Variants in DIS3L observed in about 807,000 individuals in gnomAD.
The protein encoded by DIS3L is DIS3 like exosome 3'-5' exoribonuclease, also known as DIS3-like exonuclease 1.
Under a neutral mutation model 120.3 loss-of-function variants are expected in DIS3L, and 100 were observed. That is an observed-to-expected ratio of 0.83 (90% CI 0.71 to 0.98). The LOEUF (loss-of-function observed/expected upper bound fraction) is 0.98. Among genes scored for constraint, DIS3L ranks in the 50% least tolerant of loss-of-function variants. The pLI, the probability that DIS3L is intolerant of heterozygous loss-of-function variation, is 0.00. For missense variants in DIS3L, 1,196 were observed against 1,314.2 expected, an observed-to-expected ratio of 0.91 and a Z score of 1.39; for synonymous variants, 426 against 470.6, an observed-to-expected ratio of 0.91 and a Z score of 1.23.
rs2092907136 is a variant in DIS3L, at chr15:66,323,495, C to T, written c.1577C>T (p.Ala526Val). 1 of 1,614,076 alleles carries T rather than the reference C, an allele frequency of 6.2e-7. No individual in the cohort carries two copies. Among genetic ancestry groups the T allele is most frequent in the African/African-American group, 1.3e-5 (1 of 74,946 alleles). Residue 526 changes from alanine (A) to valine (V), a missense_variant and splice_region_variant, in exon 11 of 17, where the codon GCC becomes GTC. Coordinates refer to ENST00000319212, the MANE Select transcript of DIS3L (RefSeq NM_001143688.3). ...TGCCGCGTGTGTGTCATTCACAGGG[C>T]CACCACTTATTATCTAGCAGATCGT... Reference protein sequence around the residue: ...SYIDIEARTRATTYYLADRRY... With the variant: ...SYIDIEARTRVTTYYLADRRY...
At position 66,329,121 on chromosome 15, in the gene DIS3L, T is replaced by G; in HGVS notation, c.2353T>G (p.Tyr785Asp). 1 of 1,610,912 alleles carries G rather than the reference T, an allele frequency of 6.2e-7. No individual in the cohort carries two copies. The highest frequency in any genetic ancestry group is 8.5e-7 in the Non-Finnish European group (1 of 1,179,014). ...GSCAEEEFHH[Y>D]GLALDKYTHF... ...CTGTGCGGAGGAGGAGTTCCATCAT[T>G]ACGGTGAATCATACCATATTCCTAT... The change falls in exon 13 of 17, where the codon TAC becomes GAC. Residue 785 changes from tyrosine (Y) to aspartate (D), a missense_variant. By Grantham distance (160) the Tyr-to-Asp change is radical. Transcript: ENST00000319212.
chr15:66,306,771 G>A, intron 2 of DIS3L, 53 bp from the exon 3 acceptor site: 1 of 1,607,038 alleles, frequency 6.2e-7, no homozygotes, highest in South Asian at 1.1e-5. Flanking sequence ...GCAAGAGATA[G>A]CAGTGGATGA....
Position 66,322,863 on chromosome 15 carries a change from TG to T in DIS3L, c.1507del (p.Val503SerfsTer6), listed in dbSNP as rs747149536. On this transcript the variant is annotated frameshift_variant, in exon 10 of 17. Coordinates refer to ENST00000319212, the MANE Select transcript of DIS3L (RefSeq NM_001143688.3). LOFTEE classifies it high-confidence loss of function. ...CCTTAAATAATGGCAACCTGGAACT[TG>T]GGGTCCACATCGCAGATGTAACACA... The part of the protein sequence containing the change: ...RTLNNGNLEL[G>X]VHIADVTHFV... 5.6e-6 allele frequency: 9 copies of T among 1,614,098 alleles called. No homozygotes were observed. Among genetic ancestry groups the T allele is most frequent in the African/African-American group, 1.3e-5 (1 of 74,932 alleles).
rs2092843604 is a variant in DIS3L at position 66,318,434 on chromosome 15, T to C, written c.995-15T>C. 6.2e-7 allele frequency: 1 copy of C among 1,611,850 alleles called. No individual in the cohort carries two copies. Among genetic ancestry groups the C allele is most frequent in the African/African-American group, 1.3e-5 (1 of 74,826 alleles). On this transcript the variant is annotated splice_polypyrimidine_tract_variant and intron_variant, in intron 7 of 16. Transcript: ENST00000319212. Reference sequence around the variant, plus strand: ...CTAACCAGTTAATGCCTTGTTTTGTTTTGTTTTGCCAAAGGTCGAGTGGTG... The same window carrying C: ...CTAACCAGTTAATGCCTTGTTTTGTCTTGTTTTGCCAAAGGTCGAGTGGTG...
intron 1 of DIS3L, 77 bp from the exon 2 acceptor site, chr15:66,294,911 G>C: frequency 1.4e-6 from 2 of 1,400,996 alleles, no homozygotes; most frequent in Non-Finnish European, 1.9e-6. Context: ...TATTTTGCAT[G>C]CCAGAGCACC....
chr15:66,325,025 G>A (rs1020757477), intron 11 of DIS3L, among the ~76,000 whole-genome samples: 1 of 152,106 alleles, frequency 6.6e-6, no homozygotes, highest in Non-Finnish European at 1.5e-5. Flanking sequence ...CCATCCTGTA[G>A]GATTTGCAAG....
At chr15:66,322,242 T>C (rs2092892398) in intron 9 of DIS3L, among the ~76,000 whole-genome samples, 1 of 152,240 alleles carries the variant, frequency 6.6e-6, no homozygotes, top group African/African-American at 2.4e-5. Flanking sequence ...AGATAGGTCC[T>C]GTATAAAATT....
At chr15:66,305,550 G>A (rs2092695350) in intron 2 of DIS3L, among the ~76,000 whole-genome samples, 2 of 151,680 alleles carry the variant, frequency 1.3e-5, no homozygotes, top group Non-Finnish European at 2.9e-5. Flanking sequence ...TTAGAGACAG[G>A]GTCTCATTCT....
chr15:66,298,227 A>G (rs1359341346), intron 2 of DIS3L, among the ~76,000 whole-genome samples: 1 of 145,878 alleles, frequency 6.9e-6, no homozygotes, highest in African/African-American at 2.5e-5. Flanking sequence ...GTAGAATATT[A>G]TGGTTGGAGA....
rs118018315 is a variant in DIS3L, at chr15:66,313,730, G to A, written c.736-309G>A. Reference sequence around the variant, plus strand: ...GGGTGACAGAGCAGAACTCCATCTCGACAAAAAGAGAAAAAAAAGTGTATA... The same window carrying A: ...GGGTGACAGAGCAGAACTCCATCTCAACAAAAAGAGAAAAAAAAGTGTATA... On this transcript the variant is annotated intron_variant, in intron 5 of 16. Transcript: ENST00000319212. Among the ~76,000 whole-genome samples the A allele has an allele frequency of 9.8e-3, 1,477 of 150,542 alleles. 54 individuals are homozygous for A. The highest frequency in any genetic ancestry group is 0.062 in the Admixed American group (935 of 15,080).
Position 66,326,095 on chromosome 15 carries a change from CG to C in DIS3L, c.1934del (p.Gly645AspfsTer10), listed in dbSNP as rs1162741652. On this transcript the variant is annotated frameshift_variant, in exon 12 of 17. Transcript: ENST00000319212. LOFTEE classifies it high-confidence loss of function. ...IARHVRAKRD[G>X]CGALELEGVE... ...CTCGCCATGTCAGAGCTAAACGAGA[CG>C]GATGTGGTGCCCTGGAACTGGAAGG... 9 of 1,614,022 alleles carry C rather than the reference CG, an allele frequency of 5.6e-6. No homozygotes were observed. The highest frequency in any genetic ancestry group is 6.8e-6 in the Non-Finnish European group (8 of 1,180,038).
intron 2 of DIS3L, among the ~76,000 whole-genome samples, chr15:66,303,439 G>C (rs1039337442): frequency 4.6e-5 from 7 of 152,144 alleles, no homozygotes; most frequent in Non-Finnish European, 8.8e-5. Flanking sequence ...GTATTCCCCA[G>C]GGCATTCAGT....
intron 10 of DIS3L, 113 bp downstream of exon 10, chr15:66,323,047 T>A (rs772610281): frequency 7.2e-7 from 1 of 1,381,864 alleles, no homozygotes; most frequent in Non-Finnish European, 9.7e-7. Flanking sequence ...TGAAGGTCCC[T>A]TCCAGAAAAA....
chr15:66,294,184 C>T (rs965805513), intron 1 of DIS3L: 32 of 985,518 alleles, frequency 3.2e-5, no homozygotes, highest in South Asian at 1.9e-4. Context: ...GGTTTCCTGA[C>T]CTGCCCGCAC....
chr15:66,297,385 G>C (rs1381051977), intron 2 of DIS3L, among the ~76,000 whole-genome samples: 2 of 151,936 alleles, frequency 1.3e-5, no homozygotes, highest in Non-Finnish European at 2.9e-5. Flanking sequence ...CTTGAGCCCA[G>C]TTCAAGACCA....
intron 4 of DIS3L, among the ~76,000 whole-genome samples, chr15:66,310,976 A>AC (rs2092754265): frequency 6.6e-6 from 1 of 151,452 alleles, no homozygotes; most frequent in Admixed American, 6.6e-5. Context: ...AGCATGGGCA[A>AC]CAGAGCAAGA....
intron 14 of DIS3L, 113 bp from the exon 15 acceptor site, chr15:66,331,762 C>G: frequency 2.4e-6 from 3 of 1,232,300 alleles, no homozygotes; most frequent in Non-Finnish European, 3.2e-6. Flanking sequence ...TAGTAGAGAA[C>G]AATTTTTATA....
At chr15:66,306,292 G>A (rs1005224216) in intron 2 of DIS3L, among the ~76,000 whole-genome samples, 2 of 152,170 alleles carry the variant, frequency 1.3e-5, no homozygotes, top group Non-Finnish European at 2.9e-5. Flanking sequence ...TGACAGATGA[G>A]GCTAGCTCTC....
chr15:66,326,306 G>A lies in DIS3L; in HGVS notation c.2143G>A (p.Glu715Lys), dbSNP rs1433069055. Residue 715 changes from glutamate (E) to lysine (K), a missense_variant, in exon 12 of 17, where the codon GAG becomes AAG. Coordinates refer to ENST00000319212, the MANE Select transcript of DIS3L (RefSeq NM_001143688.3). ...LLRQHPPPHQEFFSELRECAK... is the reference protein window; with the variant it reads ...LLRQHPPPHQKFFSELRECAK... ...GCGCCAGCACCCTCCTCCACACCAG[G>A]AGTTCTTTTCAGAACTCCGGGAATG... The A allele has an allele frequency of 6.2e-7, 1 of 1,614,138 alleles. No individual in the cohort carries two copies. The highest frequency in any genetic ancestry group is 1.3e-5 in the African/African-American group (1 of 75,054).
Sources: gnomAD v4.1 joint callset for allele counts (sites outside exome capture counted in the v4.1 genomes callset) on GRCh38, gnomAD v4.1.1 for gene constraint, MANE v1.5 for transcripts, NCBI Gene and HGNC (gene_info 2026-07-23, HGNC 2026-07-21) for gene names.